Variants in FHIT observed in about 807,000 individuals in gnomAD.
The protein encoded by FHIT is bis(5'-adenosyl)-triphosphatase.
FHIT carries 19 observed loss-of-function variants against 17.9 expected under a neutral mutation model. The ratio of observed to expected loss-of-function variants is 1.06; its 90% CI spans 0.74 to 1.56. The LOEUF is 1.56. FHIT is among the 40% of genes most tolerant of loss of function. FHIT has a pLI of 0.00. For missense variants in FHIT, 248 were observed against 189.2 expected, an observed-to-expected ratio of 1.31 and a Z score of -1.82; for synonymous variants, 81 against 69.7, an observed-to-expected ratio of 1.16 and a Z score of -0.81.
chr3:60,777,510 T>C (rs1379925186), intron 4 of FHIT, among the ~76,000 whole-genome samples: 4 of 152,162 alleles, frequency 2.6e-5, no homozygotes, highest in African/African-American at 9.7e-5. Flanking sequence ...ATAGCAGACT[T>C]AAGAGAGAGC....
chr3:60,038,048 C>T (rs1044064543), intron 5 of FHIT, among the ~76,000 whole-genome samples: 1 of 152,104 alleles, frequency 6.6e-6, no homozygotes. Context: ...TAAATAAACA[C>T]CCAAACACCT....
intron 1 of FHIT, among the ~76,000 whole-genome samples, chr3:61,210,156 T>A (rs1304670820): frequency 6.6e-6 from 1 of 152,182 alleles, no homozygotes; most frequent in Non-Finnish European, 1.5e-5. Flanking sequence ...TGCTACTGCT[T>A]GATCGTTCAA....
At chr3:60,075,226 G>T (rs548017407) in intron 5 of FHIT, among the ~76,000 whole-genome samples, 1 of 152,134 alleles carries the variant, frequency 6.6e-6, no homozygotes, top group South Asian at 2.1e-4. Context: ...AGAACCAATG[G>T]AATAATCAAT....
chr3:61,117,439 T>C (rs2036331831), intron 2 of FHIT, among the ~76,000 whole-genome samples: 1 of 152,300 alleles, frequency 6.6e-6, no homozygotes. Context: ...AGAAATTGAT[T>C]TGGAAGAGTA....
At chr3:60,114,404 C>T (rs906519802) in intron 5 of FHIT, among the ~76,000 whole-genome samples, 1 of 150,080 alleles carries the variant, frequency 6.7e-6, no homozygotes, top group South Asian at 2.1e-4. Flanking sequence ...GACAGACTCT[C>T]CCATTGTTTC....
chr3:59,912,975 G>A (rs1187697769), intron 8 of FHIT, among the ~76,000 whole-genome samples: 3 of 152,200 alleles, frequency 2.0e-5, no homozygotes, highest in Non-Finnish European at 2.9e-5. Flanking sequence ...ATGACCTTGG[G>A]AATTTTAGAA....
chr3:61,239,784 T>TATATATAC (rs1350286112), intron 1 of FHIT, among the ~76,000 whole-genome samples: 21 of 139,662 alleles, frequency 1.5e-4, no homozygotes, highest in African/African-American at 5.5e-4. Context: ...TATATATATA[T>TATATATAC]ACACAAATTC....
intron 4 of FHIT, among the ~76,000 whole-genome samples, chr3:60,549,963 G>C (rs997901871): frequency 6.6e-6 from 1 of 152,174 alleles, no homozygotes; most frequent in Non-Finnish European, 1.5e-5. Context: ...AGGCACGAAT[G>C]TCTTTGGGGG....
At chr3:60,125,831 A>G (rs896421012) in intron 5 of FHIT, among the ~76,000 whole-genome samples, 39 of 152,156 alleles carry the variant, frequency 2.6e-4, no homozygotes, top group African/African-American at 9.4e-4. Context: ...TACACTAAAA[A>G]AACAATGCTT....
At chr3:60,956,558 A>T (rs1709169734) in intron 3 of FHIT, among the ~76,000 whole-genome samples, 1 of 152,200 alleles carries the variant, frequency 6.6e-6, no homozygotes, top group African/African-American at 2.4e-5. Flanking sequence ...CCCTGAAGAC[A>T]ATTTCAAAAT....
chr3:60,071,844 T>C (rs978394932), intron 5 of FHIT, among the ~76,000 whole-genome samples: 7 of 152,196 alleles, frequency 4.6e-5, no homozygotes, highest in East Asian at 1.9e-4. Context: ...GTTCTCATGA[T>C]AGTGAATAAG....
At chr3:60,395,352 G>A (rs1388456960) in intron 5 of FHIT, among the ~76,000 whole-genome samples, 1 of 152,132 alleles carries the variant, frequency 6.6e-6, no homozygotes, top group Non-Finnish European at 1.5e-5. Context: ...CCATTTTATA[G>A]ATGCAGACAC....
chr3:60,517,905 G>T (rs1172527849), intron 5 of FHIT, among the ~76,000 whole-genome samples: 3 of 152,096 alleles, frequency 2.0e-5, no homozygotes, highest in Non-Finnish European at 4.4e-5. Flanking sequence ...GACACTCCTG[G>T]TCTCTCCATT....
intron 5 of FHIT, among the ~76,000 whole-genome samples, chr3:60,146,391 T>C (rs1393806620): frequency 1.3e-5 from 2 of 152,136 alleles, no homozygotes; most frequent in East Asian, 1.9e-4. Flanking sequence ...CCCAGCATGA[T>C]ACTAGATCCA....
chr3:59,920,055 G>A (rs1705327855), intron 8 of FHIT, among the ~76,000 whole-genome samples: 1 of 152,172 alleles, frequency 6.6e-6, no homozygotes, highest in South Asian at 2.1e-4. Context: ...TGGTAGATGG[G>A]AACATCCAAT....
At position 61,081,407 on chromosome 3, in the gene FHIT, T is replaced by C. The variant is rs1215627103; in HGVS notation, c.-163-39308A>G. Among the ~76,000 whole-genome samples, 5 of 152,348 alleles carry C rather than the reference T, an allele frequency of 3.3e-5. No homozygotes were observed. In the East Asian group the frequency reaches 9.6e-4, roughly 29 times the overall value. The stretch of plus-strand genomic sequence containing the variant: ...GGTCAAGGAGATTTAGGTGAATTCC[T>C]GGCTGAAAGCAGAATGAGGAAAAAA... On this transcript the variant is annotated intron_variant, in intron 2 of 9. Transcript: ENST00000492590.
intron 5 of FHIT, among the ~76,000 whole-genome samples, chr3:60,144,375 G>A (rs938932975): frequency 6.6e-6 from 1 of 152,118 alleles, no homozygotes; most frequent in Non-Finnish European, 1.5e-5. Flanking sequence ...AACCCAAGGA[G>A]GTAGTTATTT....
chr3:60,510,717 C>T, intron 5 of FHIT, among the ~76,000 whole-genome samples: 1 of 151,730 alleles, frequency 6.6e-6, no homozygotes, highest in East Asian at 1.9e-4. Context: ...CCCCCACCTC[C>T]CCCCACACAC....
intron 5 of FHIT, among the ~76,000 whole-genome samples, chr3:60,261,335 C>T (rs973389523): frequency 6.6e-6 from 1 of 151,948 alleles, no homozygotes. Flanking sequence ...ACATATATAT[C>T]ATATTACATC....
Sources: allele counts gnomAD v4.1 joint callset (sites outside exome capture counted in the v4.1 genomes callset), GRCh38; gene constraint gnomAD v4.1.1; transcripts MANE v1.5; gene names NCBI Gene and HGNC (gene_info 2026-07-23, HGNC 2026-07-21).